Variants in MARCHF10 observed in about 807,000 individuals in gnomAD.
The protein encoded by MARCHF10 is membrane associated ring-CH-type finger 10.
Under a neutral mutation model 76.2 loss-of-function variants are expected in MARCHF10, and 64 were observed. That is an observed-to-expected ratio of 0.84 (90% confidence interval 0.69 to 1.03). MARCHF10 has a LOEUF of 1.03. Among genes scored for constraint, MARCHF10 ranks in the 50% least tolerant of loss-of-function variants. The pLI, the probability that MARCHF10 is intolerant of heterozygous loss-of-function variation, is 0.00. For missense variants in MARCHF10, 875 were observed against 958.0 expected, an observed-to-expected ratio of 0.91 and a Z score of 1.14; for synonymous variants, 340 against 357.5, an observed-to-expected ratio of 0.95 and a Z score of 0.55.
intron 6 of MARCHF10, among the ~76,000 whole-genome samples, chr17:62,730,395 A>T (rs2090972516): frequency 6.6e-6 from 1 of 152,244 alleles, no homozygotes; most frequent in East Asian, 1.9e-4. Flanking sequence ...AAACATTTTT[A>T]AAAAGACCTT....
intron 4 of MARCHF10, among the ~76,000 whole-genome samples, chr17:62,754,543 C>G (rs1005839397): frequency 2.6e-5 from 4 of 151,972 alleles, no homozygotes; most frequent in Non-Finnish European, 5.9e-5. Context: ...GGGTTTCCAC[C>G]CACCTATCTA....
At chr17:62,748,783 C>T (rs1231721773) in intron 4 of MARCHF10, among the ~76,000 whole-genome samples, 2 of 152,138 alleles carry the variant, frequency 1.3e-5, no homozygotes, top group African/African-American at 2.4e-5. Context: ...ACCAAGTTCC[C>T]ATCACTTCAC....
intron 2 of MARCHF10, among the ~76,000 whole-genome samples, chr17:62,793,919 C>T (rs2092936033): frequency 6.6e-6 from 1 of 150,546 alleles, no homozygotes; most frequent in Non-Finnish European, 1.5e-5. Flanking sequence ...TCATCACCAC[C>T]ACCACCACCT....
intron 4 of MARCHF10, among the ~76,000 whole-genome samples, chr17:62,752,850 C>T (rs889325201): frequency 6.6e-6 from 1 of 152,096 alleles, no homozygotes; most frequent in African/African-American, 2.4e-5. Context: ...CTTGTCTGGT[C>T]TCTTGGCTGT....
intron 10 of MARCHF10, chr17:62,705,026 T>C: frequency 1.0e-6 from 1 of 990,216 alleles, no homozygotes; most frequent in Non-Finnish European, 1.2e-6. Flanking sequence ...TCTTGCCCGC[T>C]TTGAGGGCCC....
At chr17:62,703,094 C>G (rs957151853) in intron 10 of MARCHF10, among the ~76,000 whole-genome samples, 2 of 152,210 alleles carry the variant, frequency 1.3e-5, no homozygotes, top group African/African-American at 2.4e-5. Context: ...GGGACTCTCC[C>G]CAGCTGCCCT....
intron 3 of MARCHF10, among the ~76,000 whole-genome samples, chr17:62,787,510 C>T (rs1252598614): frequency 6.6e-6 from 1 of 152,172 alleles, no homozygotes. Context: ...ACCATGCTAA[C>T]AGTCAGTGTT....
intron 3 of MARCHF10, among the ~76,000 whole-genome samples, chr17:62,782,911 A>G (rs2092684506): frequency 6.6e-6 from 1 of 152,138 alleles, no homozygotes; most frequent in African/African-American, 2.4e-5. Flanking sequence ...TTTTGTGTCC[A>G]GGGGCAAATC....
chr17:62,797,250 GC>G (rs1157488555), intron 2 of MARCHF10, among the ~76,000 whole-genome samples: 2 of 152,152 alleles, frequency 1.3e-5, no homozygotes, highest in African/African-American at 4.8e-5. Flanking sequence ...TGTTGCCCAG[GC>G]TGGAGTAGAG....
intron 3 of MARCHF10, among the ~76,000 whole-genome samples, chr17:62,774,869 G>C (rs2092518559): frequency 1.3e-5 from 2 of 151,956 alleles, no homozygotes; most frequent in Non-Finnish European, 2.9e-5. Context: ...GCCTGGCCAA[G>C]ATGGTGAACT....
rs1277649962 is a variant in MARCHF10, at chr17:62,788,749, T to A, written c.91-150A>T. On this transcript the variant is annotated intron_variant, in intron 2 of 10. Transcript: ENST00000311269. ...CCTCTCACCAAGTATAAAGACCAGG[T>A]ATCACTCTTCCCTTTGCTTAAAACG... 1.7e-5 allele frequency: 20 copies of A among 1,164,416 alleles called. No homozygotes were observed. The South Asian group carries it at 2.9e-4, about 17-fold the overall frequency. 72.1% of individuals were successfully genotyped at this position (1,164,416 alleles called of 1,614,324 possible).
Position 62,708,455 on chromosome 17 carries a change from A to G in MARCHF10, c.2328+2776T>C, listed in dbSNP as rs532796814. On this transcript the variant is annotated intron_variant, in intron 9 of 10. Coordinates refer to ENST00000311269, the MANE Select transcript of MARCHF10 (RefSeq NM_152598.4). ...GAGACAGGGTTTCACCGTGTTAGCC[A>G]GGATGGTCTCGATCTCCTGACCTTG... Among the ~76,000 whole-genome samples, 5 of 152,270 alleles carry G rather than the reference A, an allele frequency of 3.3e-5. No individual in the cohort carries two copies. The East Asian group carries it at 7.7e-4, about 24-fold the overall frequency.
chr17:62,769,776 C>G (rs1376571221), intron 3 of MARCHF10, among the ~76,000 whole-genome samples: 1 of 152,140 alleles, frequency 6.6e-6, no homozygotes, highest in East Asian at 1.9e-4. Flanking sequence ...ATTTTCTTCC[C>G]CTTCCCCTTT....
intron 3 of MARCHF10, among the ~76,000 whole-genome samples, chr17:62,782,288 G>A (rs2092672304): frequency 6.7e-6 from 1 of 149,922 alleles, no homozygotes; most frequent in Non-Finnish European, 1.5e-5. Context: ...GGCTGAATAA[G>A]TTCTGCATCC....
intron 6 of MARCHF10, among the ~76,000 whole-genome samples, chr17:62,732,906 T>A (rs529212804): frequency 1.1e-4 from 16 of 140,540 alleles, no homozygotes; most frequent in Non-Finnish European, 2.0e-4. Context: ...GGCAGGAGAA[T>A]CAATTGAACC....
chr17:62,769,628 G>A (rs2092404077), intron 3 of MARCHF10, among the ~76,000 whole-genome samples: 1 of 152,082 alleles, frequency 6.6e-6, no homozygotes, highest in Non-Finnish European at 1.5e-5. Flanking sequence ...TGGGCAGGCT[G>A]GTCTCGAACT....
chr17:62,744,935 C>T (rs1358992589), intron 4 of MARCHF10, among the ~76,000 whole-genome samples: 11 of 135,972 alleles, frequency 8.1e-5, no homozygotes, highest in African/African-American at 2.5e-4. Context: ...ACCTGGGAGG[C>T]GGAGCTTGCA....
In MARCHF10 at chr17:62,705,558, G is replaced by T. The variant is rs1364425547; in HGVS notation, c.2352C>A (p.Pro784=). The T allele has an allele frequency of 3.7e-6, 6 of 1,613,892 alleles. No homozygotes were observed. The highest frequency in any genetic ancestry group is 5.1e-6 in the Non-Finnish European group (6 of 1,180,004). The change falls in exon 10 of 11, where the codon CCC becomes CCA. Residue 784 remains proline, a synonymous_variant. Coordinates refer to ENST00000311269, the MANE Select transcript of MARCHF10 (RefSeq NM_152598.4). ...ACCTACTTTCATTTTCCTCTGTTCT[G>T]GGTTGTGGGTAATTTCTTGACAACT... The part of the protein sequence containing the change: ...RERLSRNYPQ[P]RTEENENSEL...
At chr17:62,782,778 T>G (rs1365623494) in intron 3 of MARCHF10, among the ~76,000 whole-genome samples, 4 of 152,172 alleles carry the variant, frequency 2.6e-5, no homozygotes, top group Non-Finnish European at 5.9e-5. Context: ...TCTGGCTTCA[T>G]TTATATCAAG....
Sources: allele counts gnomAD v4.1 joint callset (sites outside exome capture counted in the v4.1 genomes callset), GRCh38; gene constraint gnomAD v4.1.1; transcripts MANE v1.5; gene names NCBI Gene and HGNC (gene_info 2026-07-23, HGNC 2026-07-21).